Variants in PPEF1 observed in about 807,000 individuals in gnomAD.
The protein encoded by PPEF1 is serine/threonine-protein phosphatase with EF-hands 1.
PPEF1 carries 12 observed loss-of-function variants against 53.3 expected under a neutral mutation model. The observed-to-expected ratio is 0.23, with a 90% CI of 0.14 to 0.36. The LOEUF (loss-of-function observed/expected upper bound fraction) is 0.36. PPEF1 is among the 10% of genes least tolerant of loss of function. The pLI is 1.00. For synonymous variants in PPEF1, 165 were observed against 176.7 expected (o/e 0.93, Z 0.52); for missense variants, 334 against 490.4 (o/e 0.68, Z 3.01).
chrX:18,692,137 G>T (rs762694597), intron 4 of PPEF1, among the ~76,000 whole-genome samples: 7 of 112,118 alleles, frequency 6.2e-5, no homozygotes, highest in Admixed American at 3.8e-4. Context: ...CTCTGGTCCT[G>T]ATTTATTTCC....
At chrX:18,729,575 A>G (rs1262809287) in intron 1 of PPEF1, among the ~76,000 whole-genome samples, 1 of 111,797 alleles carries the variant, frequency 8.9e-6, no homozygotes, top group African/African-American at 3.3e-5. Flanking sequence ...TATTTAATCT[A>G]TTGCTTCCAG....
chrX:18,766,072 A>C (rs1430869936), intron 6 of PPEF1, among the ~76,000 whole-genome samples: 1 of 104,062 alleles, frequency 9.6e-6, no homozygotes, highest in African/African-American at 3.9e-5. Flanking sequence ...TCTCAAAAAA[A>C]AAAAAAAAAA....
At chrX:18,809,917 CAG>C (rs1197441387) in intron 12 of PPEF1, among the ~76,000 whole-genome samples, 1 of 111,028 alleles carries the variant, frequency 9.0e-6, no homozygotes, top group African/African-American at 3.3e-5. Flanking sequence ...CTCATAGAAA[CAG>C]AGAGTAGTAT....
intron 5 of PPEF1, chrX:18,698,055 T>C (rs1016859632): frequency 8.9e-6 from 1 of 111,959 alleles, no homozygotes; most frequent in Non-Finnish European, 1.9e-5. Context: ...CAATTCCTAA[T>C]GGGTGAAGAG....
intron 10 of PPEF1, among the ~76,000 whole-genome samples, chrX:18,790,793 G>T (rs1367542641): frequency 9.1e-5 from 10 of 109,417 alleles, no homozygotes; most frequent in Non-Finnish European, 1.1e-4. Flanking sequence ...TTTGCCTCCT[G>T]AGTAGTAGCT....
At chrX:18,762,817 T>C (rs983608091) in intron 6 of PPEF1, among the ~76,000 whole-genome samples, 2 of 111,504 alleles carry the variant, frequency 1.8e-5, no homozygotes, top group African/African-American at 6.5e-5. Flanking sequence ...AACTGTTTTA[T>C]TAGGTTGGTG....
intron 10 of PPEF1, among the ~76,000 whole-genome samples, chrX:18,790,781 C>A (rs2046311309): frequency 1.8e-5 from 2 of 109,638 alleles, no homozygotes; most frequent in Admixed American, 2.0e-4. Context: ...CTCACTGCAA[C>A]CTTTGCCTCC....
intron 10 of PPEF1, among the ~76,000 whole-genome samples, chrX:18,799,097 G>A (rs902306000): frequency 3.6e-5 from 4 of 111,470 alleles, no homozygotes; most frequent in South Asian, 3.8e-4. Flanking sequence ...TTAGCCGGGC[G>A]TGGTGGCGCA....
At chrX:18,788,177 C>T (rs905750151) in intron 9 of PPEF1, among the ~76,000 whole-genome samples, 1 of 108,454 alleles carries the variant, frequency 9.2e-6, no homozygotes, top group African/African-American at 3.4e-5. Flanking sequence ...ATTAGCCGGG[C>T]GTGGTGGCGG....
chrX:18,797,691 A>G (rs759956272), intron 10 of PPEF1, among the ~76,000 whole-genome samples: 4 of 110,320 alleles, frequency 3.6e-5, no homozygotes, highest in Non-Finnish European at 7.5e-5. Context: ...CTTAAGTGAT[A>G]TGTTCTTTTT....
intron 4 of PPEF1, among the ~76,000 whole-genome samples, chrX:18,754,885 G>A (rs2147481237): frequency 8.9e-6 from 1 of 111,980 alleles, no homozygotes; most frequent in Admixed American, 9.5e-5. Context: ...ATAGGCATGA[G>A]CCACTGCACC....
chrX:18,729,569 T>G (rs1449719944), intron 1 of PPEF1, among the ~76,000 whole-genome samples: 1 of 112,302 alleles, frequency 8.9e-6, no homozygotes, highest in Non-Finnish European at 1.9e-5. Context: ...TGGGTTTATT[T>G]AATCTATTGC....
intron 1 of PPEF1, among the ~76,000 whole-genome samples, chrX:18,716,112 A>G (rs1028174917): frequency 8.9e-6 from 1 of 112,275 alleles, no homozygotes; most frequent in Non-Finnish European, 1.9e-5. Flanking sequence ...AAGTTTCTCT[A>G]AAGGAAATTG....
At chrX:18,803,744 A>G (rs770338877) in intron 10 of PPEF1, 148 bp from the exon 11 acceptor site, 1 of 557,820 alleles carries the variant, frequency 1.8e-6, no homozygotes, top group Non-Finnish European at 2.7e-6. Flanking sequence ...GGCATGAGCC[A>G]CCACGCCAGG....
chrX:18,814,270 T>G (rs1239099893), intron 12 of PPEF1, among the ~76,000 whole-genome samples: 1 of 112,037 alleles, frequency 8.9e-6, no homozygotes, highest in African/African-American at 3.2e-5. Context: ...TGATTCCGTG[T>G]TTTTGCTATT....
chrX:18,740,373 G>C (rs2045119529), intron 3 of PPEF1, among the ~76,000 whole-genome samples: 1 of 108,718 alleles, frequency 9.2e-6, no homozygotes, highest in South Asian at 3.9e-4. Context: ...ATTAAACACA[G>C]TTGGCCCCGT....
Position 18,689,176 on chromosome X carries a change from C to T in PPEF1, c.-425-1806C>T, listed in dbSNP as rs775395365. 1.7e-4 allele frequency among the ~76,000 whole-genome samples: 19 copies of T among 110,001 alleles called. No homozygotes were observed. In the East Asian group the frequency reaches 4.1e-3, roughly 23 times the overall value. ...GAAGAAGTCCATTCCAATGGTTGGG[C>T]GGGGATTAAAATTTTTCTTTTGGTT... On this transcript the variant is annotated intron_variant, in intron 3 of 21. Coordinates refer to the PPEF1 transcript ENST00000361511.
chrX:18,693,554 C>G (rs1009856592), intron 4 of PPEF1, among the ~76,000 whole-genome samples: 10 of 111,981 alleles, frequency 8.9e-5, no homozygotes, highest in African/African-American at 3.2e-4. Context: ...AAGTACAGTT[C>G]TGTGATTTAT....
chrX:18,684,198 G>A (rs985845988), intron 1 of PPEF1, among the ~76,000 whole-genome samples: 2 of 111,836 alleles, frequency 1.8e-5, no homozygotes, highest in Admixed American at 1.9e-4. Flanking sequence ...TTTAAAAAAA[G>A]TATATGACAT....
Sources: allele counts gnomAD v4.1 joint callset (sites outside exome capture counted in the v4.1 genomes callset), GRCh38; gene constraint gnomAD v4.1.1; transcripts MANE v1.5; gene names NCBI Gene and HGNC (gene_info 2026-07-23, HGNC 2026-07-21).